The following RNF13 variants were observed in gnomAD, a reference collection of about 807,000 sequenced individuals.
RNF13 encodes the protein E3 ubiquitin-protein ligase RNF13.
RNF13 carries 19 observed loss-of-function variants against 37.7 expected under a neutral mutation model. The observed-to-expected ratio is 0.50, with a 90% CI of 0.35 to 0.74. The LOEUF is 0.74. Among genes scored for constraint, RNF13 ranks in the 30% least tolerant of loss-of-function variants. RNF13 has a pLI of 0.01. For synonymous variants in RNF13, 144 were observed against 157.8 expected, an observed-to-expected ratio of 0.91 and a Z score of 0.65; for missense variants, 375 against 453.0, an observed-to-expected ratio of 0.83 and a Z score of 1.56.
chr3:149,937,428 C>G (rs1351701236), intron 8 of RNF13, among the ~76,000 whole-genome samples: 1 of 152,112 alleles, frequency 6.6e-6, no homozygotes, highest in South Asian at 2.1e-4. Flanking sequence ...TCCATTCTCT[C>G]TTAATTTTTC....
intron 7 of RNF13, among the ~76,000 whole-genome samples, 192 bp from the exon 8 acceptor site, chr3:149,920,942 T>C (rs1718061734): frequency 6.6e-6 from 1 of 152,130 alleles, no homozygotes. Flanking sequence ...ATTCAAGGGG[T>C]AATTCATGGG....
intron 4 of RNF13, among the ~76,000 whole-genome samples, chr3:149,884,110 A>G (rs946351564): frequency 6.6e-6 from 1 of 152,084 alleles, no homozygotes; most frequent in African/African-American, 2.4e-5. Context: ...ATTGATGGGC[A>G]TTTGGGTCAA....
At chr3:149,895,677 G>C in intron 5 of RNF13, 117 bp downstream of exon 5, 2 of 582,102 alleles carry the variant, frequency 3.4e-6, no homozygotes, top group South Asian at 5.4e-5. Flanking sequence ...TTCTCTATCA[G>C]ATAATCCCTC....
At chr3:149,944,540 G>A (rs551123026) in intron 8 of RNF13, among the ~76,000 whole-genome samples, 12 of 152,160 alleles carry the variant, frequency 7.9e-5, no homozygotes, top group Non-Finnish European at 1.6e-4. Context: ...TCTCATTGTG[G>A]CATTTCTCTG....
intron 2 of RNF13, among the ~76,000 whole-genome samples, chr3:149,848,223 A>T (rs1722816681): frequency 6.6e-6 from 1 of 152,156 alleles, no homozygotes; most frequent in South Asian, 2.1e-4. Context: ...TTAGGTATGG[A>T]AGAATGGTCA....
At chr3:149,822,807 A>G (rs553347936) in intron 1 of RNF13, among the ~76,000 whole-genome samples, 15 of 152,272 alleles carry the variant, frequency 9.9e-5, no homozygotes, top group African/African-American at 3.6e-4. Flanking sequence ...GATGTTACAC[A>G]GAAAGCCTCA....
At chr3:149,828,542 A>G (rs938489614) in intron 1 of RNF13, among the ~76,000 whole-genome samples, 10 of 152,160 alleles carry the variant, frequency 6.6e-5, no homozygotes, top group African/African-American at 2.4e-4. Flanking sequence ...AAGCAATTTC[A>G]TTGTCAATTG....
At chr3:149,849,744 G>T (rs902752691) in intron 2 of RNF13, among the ~76,000 whole-genome samples, 2 of 152,138 alleles carry the variant, frequency 1.3e-5, no homozygotes, top group Non-Finnish European at 2.9e-5. Context: ...TAGAGTTGTT[G>T]TTAGGATTAA....
At chr3:149,890,443 A>G (rs1052734450) in intron 4 of RNF13, among the ~76,000 whole-genome samples, 1 of 152,188 alleles carries the variant, frequency 6.6e-6, no homozygotes, top group Non-Finnish European at 1.5e-5. Context: ...ACTAGTAGCA[A>G]TGGCAATAAA....
At chr3:149,891,838 A>T (rs548925370) in intron 4 of RNF13, among the ~76,000 whole-genome samples, 2 of 152,356 alleles carry the variant, frequency 1.3e-5, no homozygotes, top group East Asian at 3.9e-4. Flanking sequence ...GCAAATGCTT[A>T]CTAAATGATT....
At chr3:149,825,248 C>CTG (rs1272382798) in intron 1 of RNF13, among the ~76,000 whole-genome samples, 2 of 151,590 alleles carry the variant, frequency 1.3e-5, no homozygotes, top group Non-Finnish European at 2.9e-5. Context: ...ACATTCTCTG[C>CTG]TCACTGTAAC....
intron 9 of RNF13, among the ~76,000 whole-genome samples, chr3:149,960,392 C>T (rs1310643792): frequency 3.3e-5 from 5 of 152,000 alleles, no homozygotes; most frequent in Non-Finnish European, 5.9e-5. Flanking sequence ...GAGATCGAGA[C>T]CATCCTGGCT....
intron 8 of RNF13, among the ~76,000 whole-genome samples, chr3:149,947,687 A>T (rs1042274722): frequency 6.6e-6 from 1 of 152,118 alleles, no homozygotes; most frequent in Non-Finnish European, 1.5e-5. Context: ...GGCGTGAGCC[A>T]CCGCACCTGG....
intron 5 of RNF13, among the ~76,000 whole-genome samples, chr3:149,896,657 T>C (rs1715305474): frequency 6.6e-6 from 1 of 151,970 alleles, no homozygotes; most frequent in Non-Finnish European, 1.5e-5. Flanking sequence ...TTTTGTATTT[T>C]AAGTAGAGAT....
At chr3:149,945,767 G>A (rs112628203) in intron 8 of RNF13, among the ~76,000 whole-genome samples, 177 of 152,300 alleles carry the variant, frequency 1.2e-3, no homozygotes, top group African/African-American at 3.8e-3. Flanking sequence ...AGCCATATTC[G>A]CTGTACTGCA....
At chr3:149,895,390 A>G in intron 4 of RNF13, 83 bp from the exon 5 acceptor site, 1 of 785,740 alleles carries the variant, frequency 1.3e-6, no homozygotes, top group Non-Finnish European at 2.1e-6. Context: ...TATTTACTTC[A>G]GTAAGTTTTT....
chr3:149,883,660 C>T (rs1350629678), intron 4 of RNF13, among the ~76,000 whole-genome samples: 5 of 151,592 alleles, frequency 3.3e-5, no homozygotes, highest in Admixed American at 2.0e-4. Flanking sequence ...GGTTATGGGT[C>T]ACATTTTCTT....
At chr3:149,954,651 A>G (rs1275536689) in intron 8 of RNF13, among the ~76,000 whole-genome samples, 1 of 152,208 alleles carries the variant, frequency 6.6e-6, no homozygotes, top group Non-Finnish European at 1.5e-5. Flanking sequence ...CTTTGGGGAC[A>G]GGATCTTAAA....
intron 8 of RNF13, among the ~76,000 whole-genome samples, chr3:149,941,387 A>G (rs1720249889): frequency 6.6e-6 from 1 of 152,066 alleles, no homozygotes; most frequent in Non-Finnish European, 1.5e-5. Flanking sequence ...CATTCTAGTG[A>G]GTATGAGTCG....
Sources: allele counts gnomAD v4.1 joint callset (sites outside exome capture counted in the v4.1 genomes callset), GRCh38; gene constraint gnomAD v4.1.1; transcripts MANE v1.5; gene names NCBI Gene and HGNC (gene_info 2026-07-23, HGNC 2026-07-21).